C8orf34: variants seen among roughly 807,000 people sequenced by gnomAD.
C8orf34 encodes the protein uncharacterized protein C8orf34.
C8orf34 carries 65 observed loss-of-function variants against 68.3 expected under a neutral mutation model. The observed-to-expected ratio is 0.95, with a 90% CI of 0.78 to 1.17. The LOEUF (loss-of-function observed/expected upper bound fraction) is 1.17. C8orf34 is among the 50% of genes most tolerant of loss of function. The pLI is 0.00. For synonymous variants in C8orf34, 244 were observed against 241.2 expected (o/e 1.01, Z -0.11); for missense variants, 664 against 655.4 (o/e 1.01, Z -0.14).
At chr8:68,434,393 C>T (rs1451990792) in intron 1 of C8orf34, among the ~76,000 whole-genome samples, 1 of 152,092 alleles carries the variant, frequency 6.6e-6, no homozygotes, top group African/African-American at 2.4e-5. Flanking sequence ...TGAGTGAGAA[C>T]ATGTGGTATT....
At position 68,676,631 on chromosome 8, in the gene C8orf34, C is replaced by T. The variant is rs11781276; in HGVS notation, c.1242-32363C>T. On this transcript the variant is annotated intron_variant, in intron 8 of 13. Coordinates refer to ENST00000518698, the MANE Select transcript of C8orf34 (RefSeq NM_052958.4). ...ACATATGTTAGGCCAAATATCCTTC[C>T]TCAGTTCAAGGATAGACATATGTTA... is the stretch of plus-strand genomic sequence containing the variant. 3.2e-3 allele frequency among the ~76,000 whole-genome samples: 482 copies of T among 152,258 alleles called. 1 individual carries two copies. Among genetic ancestry groups the T allele is most frequent in the Middle Eastern group, 6.8e-3 (2 of 294 alleles).
intron 7 of C8orf34, among the ~76,000 whole-genome samples, chr8:68,540,575 G>T (rs1030375563): frequency 1.3e-5 from 2 of 151,956 alleles, no homozygotes; most frequent in Non-Finnish European, 2.9e-5. Context: ...AGGTGCGGTG[G>T]CTCACTCCAG....
chr8:68,775,385 AT>A (rs1158405246), intron 10 of C8orf34, among the ~76,000 whole-genome samples: 2 of 152,194 alleles, frequency 1.3e-5, no homozygotes, highest in Admixed American at 6.5e-5. Context: ...GTCATGGAGT[AT>A]AAAAGCATAA....
rs543112269 is a variant in C8orf34, at chr8:68,523,918, C to T, written c.938+1947C>T. On this transcript the variant is annotated intron_variant, in intron 6 of 13. Coordinates refer to ENST00000518698, the MANE Select transcript of C8orf34 (RefSeq NM_052958.4). ...AAAACTTAATTTTCAAGCATGACTCCATCCATTTTTCACCTCACCCTCTCC... is the reference window on the plus strand; with the variant it reads ...AAAACTTAATTTTCAAGCATGACTCTATCCATTTTTCACCTCACCCTCTCC... Among the ~76,000 whole-genome samples, 40 of 152,268 alleles carry T rather than the reference C, an allele frequency of 2.6e-4. 1 individual carries two copies. Among genetic ancestry groups the T allele is most frequent in the Middle Eastern group, 3.4e-3 (1 of 294 alleles).
chr8:68,771,714 T>C (rs1429665109), intron 10 of C8orf34, among the ~76,000 whole-genome samples: 1 of 152,176 alleles, frequency 6.6e-6, no homozygotes, highest in Non-Finnish European at 1.5e-5. Flanking sequence ...CTTCGTCTCC[T>C]TCATCACATG....
intron 7 of C8orf34, among the ~76,000 whole-genome samples, chr8:68,616,539 C>T (rs573557255): frequency 6.6e-6 from 1 of 152,164 alleles, no homozygotes; most frequent in African/African-American, 2.4e-5. Context: ...GCCTTCATTT[C>T]GTTATGTACC....
intron 1 of C8orf34, among the ~76,000 whole-genome samples, chr8:68,340,979 C>T (rs1806046432): frequency 6.6e-6 from 1 of 152,196 alleles, no homozygotes; most frequent in South Asian, 2.1e-4. Flanking sequence ...AGGTTTCTTA[C>T]AGAGGTGCAA....
intron 7 of C8orf34, among the ~76,000 whole-genome samples, chr8:68,600,205 T>C (rs904819424): frequency 4.6e-5 from 7 of 152,130 alleles, no homozygotes; most frequent in African/African-American, 1.7e-4. Flanking sequence ...TCTACAGGTA[T>C]TGATGTTTTA....
intron 8 of C8orf34, among the ~76,000 whole-genome samples, chr8:68,650,722 G>T (rs1046108820): frequency 1.3e-5 from 2 of 151,784 alleles, no homozygotes; most frequent in South Asian, 4.2e-4. Context: ...CTCGTGATCC[G>T]CCCGCCTCGG....
chr8:68,645,387 A>G (rs1340874551), intron 8 of C8orf34, among the ~76,000 whole-genome samples: 1 of 152,120 alleles, frequency 6.6e-6, no homozygotes, highest in Non-Finnish European at 1.5e-5. Context: ...CATCTTTTTG[A>G]GAAACTCACA....
chr8:68,450,939 T>C (rs1386868794), intron 3 of C8orf34, among the ~76,000 whole-genome samples: 1 of 152,120 alleles, frequency 6.6e-6, no homozygotes, highest in African/African-American at 2.4e-5. Context: ...GCTATGAAAG[T>C]CCTAAATGGC....
intron 12 of C8orf34, among the ~76,000 whole-genome samples, chr8:68,806,632 T>C (rs1824495300): frequency 6.6e-6 from 1 of 152,222 alleles, no homozygotes; most frequent in African/African-American, 2.4e-5. Context: ...ATAGTGTGCC[T>C]ACATGTTATT....
intron 12 of C8orf34, among the ~76,000 whole-genome samples, chr8:68,797,736 G>C (rs1218390833): frequency 2.0e-5 from 3 of 152,156 alleles, no homozygotes. Context: ...GGGTCAGAAA[G>C]TGTGCACTGT....
At chr8:68,564,696 G>C (rs985993814) in intron 7 of C8orf34, among the ~76,000 whole-genome samples, 2 of 152,178 alleles carry the variant, frequency 1.3e-5, no homozygotes, top group Non-Finnish European at 2.9e-5. Context: ...GAGCAAAAGA[G>C]AGCCAATGTC....
chr8:68,783,267 C>T (rs1823735856), intron 11 of C8orf34, among the ~76,000 whole-genome samples: 1 of 152,128 alleles, frequency 6.6e-6, no homozygotes, highest in Admixed American at 6.5e-5. Context: ...CGCCTGTAAT[C>T]CCAGCACTTT....
Position 68,776,464 on chromosome 8 carries a change from T to A in C8orf34, c.1455+15T>A. ...ACATGGAAGAAGTGAGTTTTAAGGT[T>A]GCTTTATAATGTAGTCTGAAATCAG... On this transcript the variant is annotated intron_variant, in intron 11 of 13. Coordinates refer to ENST00000518698, the MANE Select transcript of C8orf34 (RefSeq NM_052958.4). 1 of 1,602,284 alleles carries A rather than the reference T, an allele frequency of 6.2e-7. No individual in the cohort carries two copies. Among genetic ancestry groups the A allele is most frequent in the Non-Finnish European group, 8.5e-7 (1 of 1,169,708 alleles).
chr8:68,488,997 T>A (rs1262447394), intron 5 of C8orf34, among the ~76,000 whole-genome samples: 3 of 151,796 alleles, frequency 2.0e-5, no homozygotes, highest in Non-Finnish European at 4.4e-5. Flanking sequence ...CGTTTTTTTT[T>A]AAAATAGCAG....
chr8:68,405,985 C>A (rs1201517779), intron 1 of C8orf34, among the ~76,000 whole-genome samples: 2 of 152,140 alleles, frequency 1.3e-5, no homozygotes, highest in Admixed American at 6.6e-5. Flanking sequence ...TGGGAACATT[C>A]AAAAACCATG....
intron 5 of C8orf34, among the ~76,000 whole-genome samples, chr8:68,491,469 C>A (rs1813310052): frequency 6.6e-6 from 1 of 152,162 alleles, no homozygotes; most frequent in Non-Finnish European, 1.5e-5. Context: ...CAGGGGAAAT[C>A]TGTTTGCTCA....
Sources: gnomAD v4.1 joint callset for allele counts (sites outside exome capture counted in the v4.1 genomes callset) on GRCh38, gnomAD v4.1.1 for gene constraint, MANE v1.5 for transcripts, NCBI Gene and HGNC (gene_info 2026-07-23, HGNC 2026-07-21) for gene names.